The following TANGO6 variants were observed in gnomAD, a reference collection of about 807,000 sequenced individuals.
The protein encoded by TANGO6 is transport and golgi organization 6 homolog, also known as transport and Golgi organization protein 6 homolog.
In TANGO6, 90 loss-of-function variants were observed where a neutral mutation model predicts 114.2. The observed-to-expected ratio is 0.79, with a 90% CI of 0.66 to 0.94. TANGO6 has a LOEUF of 0.94. Among genes scored for constraint, TANGO6 ranks in the 40% least tolerant of loss-of-function variants. The pLI, the probability that TANGO6 is intolerant of heterozygous loss-of-function variation, is 0.00. For missense variants in TANGO6, 1,274 were observed against 1,315.3 expected (o/e 0.97, Z 0.49); for synonymous variants, 477 against 509.8 (o/e 0.94, Z 0.87).
intron 9 of TANGO6, among the ~76,000 whole-genome samples, chr16:68,903,306 G>GC (rs1802405655): frequency 6.6e-6 from 1 of 152,064 alleles, no homozygotes; most frequent in Admixed American, 6.6e-5. Flanking sequence ...CTGCTATTCT[G>GC]CCCAGCAACA....
At chr16:69,020,262 T>A (rs927579163) in intron 15 of TANGO6, among the ~76,000 whole-genome samples, 5 of 152,126 alleles carry the variant, frequency 3.3e-5, no homozygotes, top group African/African-American at 1.2e-4. Context: ...ATAGGACCAG[T>A]GTTGTATATG....
At chr16:68,887,629 C>G (rs1466576492) in intron 7 of TANGO6, among the ~76,000 whole-genome samples, 1 of 152,144 alleles carries the variant, frequency 6.6e-6, no homozygotes, top group Non-Finnish European at 1.5e-5. Flanking sequence ...ATAATCCCAG[C>G]GCTTTGGGAG....
At chr16:69,064,914 G>T (rs550029130) in intron 17 of TANGO6, among the ~76,000 whole-genome samples, 1 of 152,168 alleles carries the variant, frequency 6.6e-6, no homozygotes, top group Admixed American at 6.5e-5. Flanking sequence ...CCTCAGCGGG[G>T]TGTCTGCATG....
At chr16:68,989,357 C>A (rs1000193846) in intron 15 of TANGO6, among the ~76,000 whole-genome samples, 3 of 150,894 alleles carry the variant, frequency 2.0e-5, no homozygotes. Context: ...ACTGATCTAT[C>A]TTTAGGTACA....
At chr16:69,024,525 C>T (rs1053851378) in intron 16 of TANGO6, among the ~76,000 whole-genome samples, 3 of 152,162 alleles carry the variant, frequency 2.0e-5, no homozygotes, top group African/African-American at 7.2e-5. Context: ...CCTCGGCCTC[C>T]CAAAGTGCTG....
chr16:68,851,995 A>G (rs113946102), intron 1 of TANGO6, among the ~76,000 whole-genome samples: 68 of 152,260 alleles, frequency 4.5e-4, no homozygotes, highest in African/African-American at 1.5e-3. Flanking sequence ...TGCTCATGTA[A>G]TGTTTTATAC....
chr16:68,969,745 T>C (rs1252374186), intron 14 of TANGO6, among the ~76,000 whole-genome samples: 1 of 151,992 alleles, frequency 6.6e-6, no homozygotes, highest in African/African-American at 2.4e-5. Context: ...TGTGTTAGGA[T>C]TATTTTAATT....
chr16:68,878,528 CA>C (rs1962406479), intron 6 of TANGO6, among the ~76,000 whole-genome samples: 1 of 152,084 alleles, frequency 6.6e-6, no homozygotes, highest in Admixed American at 6.6e-5. Flanking sequence ...TCTTTCTATA[CA>C]TATAAACATG....
intron 4 of TANGO6, among the ~76,000 whole-genome samples, chr16:68,872,405 G>T (rs1033977071): frequency 2.0e-5 from 3 of 151,528 alleles, no homozygotes; most frequent in Admixed American, 6.6e-5. Flanking sequence ...AGGTTCAAGA[G>T]ATTCTCCTGC....
intron 14 of TANGO6, among the ~76,000 whole-genome samples, chr16:68,937,912 G>C (rs115552328): frequency 8.9e-4 from 136 of 152,276 alleles, no homozygotes; most frequent in African/African-American, 3.2e-3. Flanking sequence ...TACAAGTTTT[G>C]TGTGAACGTA....
chr16:68,861,170 C>T (rs941356264), intron 2 of TANGO6, among the ~76,000 whole-genome samples: 1 of 152,068 alleles, frequency 6.6e-6, no homozygotes, highest in Non-Finnish European at 1.5e-5. Context: ...ATAAGACTTA[C>T]AGGGATGACG....
In TANGO6 at chr16:69,067,563, T is replaced by C. The variant is rs1597078415; in HGVS notation, c.3109-15922T>C. On this transcript the variant is annotated intron_variant, in intron 17 of 17. Transcript: ENST00000261778. ...CGCTGGGCGCCGTGGCACACGCCTA[T>C]AATCCCAGCACTTTGGGAGGCCAAG... 2.1e-5 allele frequency among the ~76,000 whole-genome samples: 3 copies of C among 141,188 alleles called. 1 individual carries two copies. The highest frequency in any genetic ancestry group is 4.6e-4 in the South Asian group (2 of 4,316). 92.6% of individuals were successfully genotyped at this position (141,188 alleles called of 152,430 possible).
intron 4 of TANGO6, 111 bp from the exon 5 acceptor site, chr16:68,875,043 T>G (rs1189642629): frequency 8.4e-7 from 1 of 1,196,884 alleles, no homozygotes. Context: ...TAAACTATTT[T>G]CAATAGAAAA....
At chr16:68,846,306 A>G (rs1961802236) in intron 1 of TANGO6, among the ~76,000 whole-genome samples, 1 of 152,116 alleles carries the variant, frequency 6.6e-6, no homozygotes, top group Non-Finnish European at 1.5e-5. Context: ...GATTAGGATT[A>G]CAGGCGCGAG....
chr16:68,977,872 G>T (rs193048143), intron 15 of TANGO6, among the ~76,000 whole-genome samples: 7 of 151,980 alleles, frequency 4.6e-5, no homozygotes, highest in Admixed American at 4.6e-4. Flanking sequence ...TTTTAGTAGA[G>T]ACAGGGTTTC....
In TANGO6 at chr16:68,909,787, G is replaced by A. The variant is rs114801316; in HGVS notation, c.1992+385G>A. 5.4e-3 allele frequency among the ~76,000 whole-genome samples: 815 copies of A among 152,172 alleles called. 10 individuals carry two copies. The highest frequency in any genetic ancestry group is 0.019 in the African/African-American group (772 of 41,518). Reference sequence around the variant, plus strand: ...TCTGCATTAGAGCCCGGGCATCTTCGTCCTACTCAAGCTCCATGGATGATC... The same window carrying A: ...TCTGCATTAGAGCCCGGGCATCTTCATCCTACTCAAGCTCCATGGATGATC... On this transcript the variant is annotated intron_variant, in intron 11 of 17. Transcript: ENST00000261778.
Position 68,927,683 on chromosome 16 carries a change from T to G in TANGO6, c.2243T>G (p.Ile748Ser), listed in dbSNP as rs1218547147. 23 of 1,613,842 alleles carry G rather than the reference T, an allele frequency of 1.4e-5. No individual in the cohort carries two copies. Among genetic ancestry groups the G allele is most frequent in the Non-Finnish European group, 1.9e-5 (23 of 1,179,898 alleles). Residue 748 changes from isoleucine to serine, a missense_variant, in exon 13 of 18, where the codon ATC (isoleucine) becomes AGC (serine). This residue lies in a region of TANGO6 where 908 missense variants were observed against 910.2 expected (regional missense o/e 1.00). Coordinates refer to ENST00000261778, the MANE Select transcript of TANGO6 (RefSeq NM_024562.2). ...CTCGCTGTTGATCTCCGCATCACCA[T>G]CTCTACCCATGGAGCCTTTGCCACT... ...QELAVDLRIT[I>S]STHGAFATEA...
At chr16:68,975,812 C>T (rs969110705) in intron 15 of TANGO6, among the ~76,000 whole-genome samples, 1 of 151,876 alleles carries the variant, frequency 6.6e-6, no homozygotes, top group Non-Finnish European at 1.5e-5. Context: ...CTGTCTCTGC[C>T]TCCCAAAGTG....
At chr16:69,024,746 G>GT (rs1023917430) in intron 16 of TANGO6, among the ~76,000 whole-genome samples, 26 of 151,530 alleles carry the variant, frequency 1.7e-4, no homozygotes, top group Non-Finnish European at 2.9e-4. Flanking sequence ...ACCATCTTAA[G>GT]TTTTTTTTTG....
Sources: gnomAD v4.1 joint callset for allele counts (sites outside exome capture counted in the v4.1 genomes callset) on GRCh38, gnomAD v4.1.1 for gene constraint, gnomAD v4.1.1 regional missense constraint, MANE v1.5 for transcripts, NCBI Gene and HGNC (gene_info 2026-07-23, HGNC 2026-07-21) for gene names.